The following AGBL1 variants were observed in gnomAD, a reference collection of about 807,000 sequenced individuals.
AGBL1 encodes the protein cytosolic carboxypeptidase 4.
Under a neutral mutation model 118.9 loss-of-function variants are expected in AGBL1, and 130 were observed. That is an observed-to-expected ratio of 1.09 (90% CI 0.95 to 1.26). The LOEUF (loss-of-function observed/expected upper bound fraction) is 1.26. Ranked by LOEUF, AGBL1 falls within the 50% of genes most tolerant of loss-of-function variation. AGBL1 has a pLI of 0.00. For synonymous variants in AGBL1, 555 were observed against 478.9 expected, an observed-to-expected ratio of 1.16 and a Z score of -2.08; for missense variants, 1,584 against 1,298.1, an observed-to-expected ratio of 1.22 and a Z score of -3.38.
intron 22 of AGBL1, among the ~76,000 whole-genome samples, chr15:86,696,979 A>G (rs538185226): frequency 1.3e-5 from 2 of 152,012 alleles, no homozygotes; most frequent in South Asian, 4.2e-4. Context: ...TGTTAATAAG[A>G]TAGTTTTTTT....
At chr15:86,583,906 C>G (rs1033055650) in intron 21 of AGBL1, among the ~76,000 whole-genome samples, 1 of 152,080 alleles carries the variant, frequency 6.6e-6, no homozygotes, top group Non-Finnish European at 1.5e-5. Context: ...GAAGGTATTT[C>G]ATTATGGTTT....
At chr15:86,133,672 G>A (rs184969670) in intron 1 of AGBL1, among the ~76,000 whole-genome samples, 8 of 152,200 alleles carry the variant, frequency 5.3e-5, no homozygotes, top group Non-Finnish European at 1.0e-4. Flanking sequence ...CCTTTTTACC[G>A]AGGAGGATCA....
intron 21 of AGBL1, among the ~76,000 whole-genome samples, chr15:86,627,088 C>T (rs1172150133): frequency 1.1e-4 from 17 of 152,096 alleles, no homozygotes; most frequent in Non-Finnish European, 4.4e-5. Flanking sequence ...GCAACCTCCG[C>T]CTCCTGGGTT....
At chr15:86,194,062 C>T (rs2077762631) in intron 5 of AGBL1, among the ~76,000 whole-genome samples, 1 of 152,092 alleles carries the variant, frequency 6.6e-6, no homozygotes, top group African/African-American at 2.4e-5. Context: ...TTGACTTTGC[C>T]GTTTTTTAAT....
intron 1 of AGBL1, among the ~76,000 whole-genome samples, chr15:86,132,418 C>A (rs1597436795): frequency 6.6e-6 from 1 of 152,122 alleles, no homozygotes; most frequent in African/African-American, 2.4e-5. Flanking sequence ...ATTTCCTTGA[C>A]GACGGTGTGA....
chr15:86,293,772 T>C (rs1477923642), intron 16 of AGBL1, among the ~76,000 whole-genome samples: 1 of 152,204 alleles, frequency 6.6e-6, no homozygotes, highest in Admixed American at 6.5e-5. Flanking sequence ...TATTTGTCAA[T>C]ATTTTTACAT....
chr15:86,391,640 G>GTTTTTTTTTTTTTTTTT (rs751427467), intron 17 of AGBL1, among the ~76,000 whole-genome samples: 7 of 73,782 alleles, frequency 9.5e-5, no homozygotes, highest in Non-Finnish European at 1.2e-4. Flanking sequence ...GTTGTTGTTG[G>GTTTTTTTTTTTTTTTTT]TTTTTTTTTT....
chr15:86,433,581 T>G (rs764764811), intron 18 of AGBL1, among the ~76,000 whole-genome samples: 10 of 152,076 alleles, frequency 6.6e-5, no homozygotes, highest in Non-Finnish European at 1.3e-4. Flanking sequence ...GAGAGAAGTG[T>G]GTCAGGGTCT....
intron 24 of AGBL1, among the ~76,000 whole-genome samples, chr15:87,003,533 A>T (rs2081463893): frequency 6.6e-6 from 1 of 152,026 alleles, no homozygotes; most frequent in Non-Finnish European, 1.5e-5. Flanking sequence ...TATTAATTGG[A>T]ATAGTTTCAG....
At chr15:86,156,634 G>C (rs2077195142) in intron 4 of AGBL1, among the ~76,000 whole-genome samples, 1 of 152,074 alleles carries the variant, frequency 6.6e-6, no homozygotes, top group Non-Finnish European at 1.5e-5. Context: ...CTTGATAATT[G>C]CTAGTTTCTC....
At chr15:86,740,799 T>C (rs2077666543) in intron 22 of AGBL1, among the ~76,000 whole-genome samples, 1 of 152,070 alleles carries the variant, frequency 6.6e-6, no homozygotes, top group Admixed American at 6.6e-5. Flanking sequence ...AAAAATCAAG[T>C]TTTAATACAA....
intron 22 of AGBL1, among the ~76,000 whole-genome samples, chr15:86,692,400 C>T (rs1597827): frequency 4.6e-5 from 7 of 151,618 alleles, no homozygotes; most frequent in Non-Finnish European, 1.0e-4. Context: ...GTTAGTATCA[C>T]CCTTAGTGAG....
intron 1 of AGBL1, among the ~76,000 whole-genome samples, chr15:86,101,073 C>A (rs1457757031): frequency 6.6e-6 from 1 of 151,966 alleles, no homozygotes; most frequent in Non-Finnish European, 1.5e-5. Context: ...TTCAATTTTC[C>A]TTTGTTTCAA....
chr15:87,022,598 T>A (rs1821328), intron 24 of AGBL1, among the ~76,000 whole-genome samples: 1 of 151,808 alleles, frequency 6.6e-6, no homozygotes, highest in South Asian at 2.1e-4. Flanking sequence ...TACAAGAAGC[T>A]CAAGGAACAC....
At chr15:86,637,274 T>A (rs1243996522) in intron 21 of AGBL1, among the ~76,000 whole-genome samples, 1 of 151,566 alleles carries the variant, frequency 6.6e-6, no homozygotes, top group Non-Finnish European at 1.5e-5. Context: ...GAGTGGAGGG[T>A]CATGAAAAGT....
chr15:86,240,864 T>G (rs2141975664), intron 6 of AGBL1, among the ~76,000 whole-genome samples: 1 of 152,316 alleles, frequency 6.6e-6, no homozygotes, highest in South Asian at 2.1e-4. Flanking sequence ...GTCCTTGTAT[T>G]TATTCTTACT....
At chr15:86,209,572 C>T (rs1412612775) in intron 5 of AGBL1, among the ~76,000 whole-genome samples, 1 of 152,042 alleles carries the variant, frequency 6.6e-6, no homozygotes, top group Non-Finnish European at 1.5e-5. Flanking sequence ...ATGCAATGGC[C>T]TTCTTTGTCT....
chr15:86,395,072 C>T (rs1050159010), intron 17 of AGBL1, among the ~76,000 whole-genome samples: 26 of 152,124 alleles, frequency 1.7e-4, no homozygotes, highest in African/African-American at 6.3e-4. Flanking sequence ...GATGACTCTG[C>T]AATATACTCT....
chr15:86,234,491 C>A (rs904832161), intron 6 of AGBL1, among the ~76,000 whole-genome samples: 5 of 143,286 alleles, frequency 3.5e-5, no homozygotes, highest in African/African-American at 1.3e-4. Flanking sequence ...GCGGAGGTTG[C>A]AGTGAGCGAA....
Sources: allele counts gnomAD v4.1 joint callset (sites outside exome capture counted in the v4.1 genomes callset), GRCh38; gene constraint gnomAD v4.1.1; transcripts MANE v1.5; gene names NCBI Gene and HGNC (gene_info 2026-07-23, HGNC 2026-07-21).